The following TBC1D22A variants were observed in gnomAD, a reference collection of about 807,000 sequenced individuals.
TBC1D22A encodes the protein TBC1 domain family member 22A.
In TBC1D22A, 38 loss-of-function variants were observed where a neutral mutation model predicts 60.2. The observed-to-expected ratio is 0.63, with a 90% CI of 0.49 to 0.83. The LOEUF (loss-of-function observed/expected upper bound fraction) is 0.83. Among genes scored for constraint, TBC1D22A ranks in the 40% least tolerant of loss-of-function variants. The pLI, the probability that TBC1D22A is intolerant of heterozygous loss-of-function variation, is 0.00. For synonymous variants in TBC1D22A, 302 were observed against 281.7 expected (o/e 1.07, Z -0.72); for missense variants, 628 against 701.0 (o/e 0.90, Z 1.18).
intron 8 of TBC1D22A, among the ~76,000 whole-genome samples, chr22:46,939,339 G>A (rs905646670): frequency 6.6e-6 from 1 of 152,200 alleles, no homozygotes; most frequent in African/African-American, 2.4e-5. Flanking sequence ...AAGCATCAAC[G>A]AGTGAATAGT....
At chr22:46,920,310 C>A (rs994357128) in intron 8 of TBC1D22A, among the ~76,000 whole-genome samples, 2 of 152,120 alleles carry the variant, frequency 1.3e-5, no homozygotes, top group Admixed American at 1.3e-4. Context: ...AACTCCTGGA[C>A]TCAAGGAATT....
chr22:46,866,577 A>C (rs923397017), intron 4 of TBC1D22A, among the ~76,000 whole-genome samples: 1 of 152,232 alleles, frequency 6.6e-6, no homozygotes, highest in African/African-American at 2.4e-5. Flanking sequence ...TTAAGAATAG[A>C]TATGGCATTA....
chr22:46,972,723 C>T (rs2074119574), intron 8 of TBC1D22A, among the ~76,000 whole-genome samples: 1 of 152,134 alleles, frequency 6.6e-6, no homozygotes, highest in African/African-American at 2.4e-5. Flanking sequence ...CGCTTGTGAC[C>T]CTACTCAAGA....
At chr22:47,043,011 C>T (rs1366512528) in intron 11 of TBC1D22A, among the ~76,000 whole-genome samples, 3 of 152,214 alleles carry the variant, frequency 2.0e-5, no homozygotes, top group Non-Finnish European at 2.9e-5. Context: ...ACTCAGCCCA[C>T]GTGCAGTTAT....
At position 47,082,995 on chromosome 22, in the gene TBC1D22A, G is replaced by A. The variant is rs779374521; in HGVS notation, c.1330-28513G>A. On this transcript the variant is annotated intron_variant, in intron 11 of 12. Coordinates refer to ENST00000337137, the MANE Select transcript of TBC1D22A (RefSeq NM_014346.5). ...GGGAATGGATTAACAAATTCATACC[G>A]AGCAGTGCTCTTCAATGACAACGTG... 1.2e-4 allele frequency among the ~76,000 whole-genome samples: 18 copies of A among 152,190 alleles called. No individual in the cohort carries two copies. In the South Asian group the frequency reaches 1.4e-3, roughly 12 times the overall value.
At chr22:47,097,559 T>A (rs1462373296) in intron 11 of TBC1D22A, among the ~76,000 whole-genome samples, 1 of 151,416 alleles carries the variant, frequency 6.6e-6, no homozygotes, top group African/African-American at 2.4e-5. Flanking sequence ...TGCAGTGAGC[T>A]GAGATTGCAC....
chr22:46,841,289 A>C (rs946586043), intron 4 of TBC1D22A, among the ~76,000 whole-genome samples: 28 of 152,152 alleles, frequency 1.8e-4, no homozygotes. Flanking sequence ...CTCTTCTGCT[A>C]TTTGGCCATG....
At chr22:46,997,909 T>C (rs1404534007) in intron 10 of TBC1D22A, among the ~76,000 whole-genome samples, 200 bp downstream of exon 10, 1 of 152,186 alleles carries the variant, frequency 6.6e-6, no homozygotes, top group East Asian at 1.9e-4. Flanking sequence ...CAGAATTCAG[T>C]ACATTCACTT....
chr22:47,143,700 C>A (rs933910893), intron 12 of TBC1D22A, among the ~76,000 whole-genome samples: 1 of 152,218 alleles, frequency 6.6e-6, no homozygotes. Flanking sequence ...AGCTCTCTGA[C>A]GGGTGCCTAG....
intron 5 of TBC1D22A, among the ~76,000 whole-genome samples, chr22:46,887,861 G>A (rs11090908): frequency 0.044 from 6,700 of 152,248 alleles, 459 homozygotes; most frequent in African/African-American, 0.15. Flanking sequence ...TGATCCTAAT[G>A]TGTTAACATG....
chr22:46,879,774 C>T (rs902633975), intron 5 of TBC1D22A, among the ~76,000 whole-genome samples: 11 of 152,138 alleles, frequency 7.2e-5, no homozygotes, highest in South Asian at 2.1e-4. Context: ...ACCGAATTGC[C>T]GTTTTCTATT....
chr22:47,063,254 T>C (rs908156030), intron 11 of TBC1D22A, among the ~76,000 whole-genome samples: 1 of 152,106 alleles, frequency 6.6e-6, no homozygotes, highest in Non-Finnish European at 1.5e-5. Context: ...CGGATGGCTC[T>C]GATGCGCAGC....
rs1335415150 is a variant in TBC1D22A, at chr22:47,009,899, C to T, written c.1201+12190C>T. ...TGAGGCAGCCTCTTCTGTCCAGCCC[C>T]CAGGGAGGTTGGTTGGAGTGGAAGA... On this transcript the variant is annotated intron_variant, in intron 10 of 12. Transcript: ENST00000337137. The surrounding 1 kb of genome is among the most constrained non-coding windows in gnomAD (Gnocchi z 5.8). Among the ~76,000 whole-genome samples the T allele has an allele frequency of 6.6e-6, 1 of 152,214 alleles. No homozygotes were observed. The highest frequency in any genetic ancestry group is 1.5e-5 in the Non-Finnish European group (1 of 68,040).
At chr22:47,140,682 T>G (rs2067050307) in intron 12 of TBC1D22A, among the ~76,000 whole-genome samples, 1 of 152,226 alleles carries the variant, frequency 6.6e-6, no homozygotes, top group Admixed American at 6.5e-5. Context: ...AGGGGATGCC[T>G]GCCCCTGCCT....
chr22:47,016,198 C>G (rs1229506188), intron 10 of TBC1D22A, among the ~76,000 whole-genome samples: 1 of 152,174 alleles, frequency 6.6e-6, no homozygotes, highest in East Asian at 1.9e-4. Context: ...AGTGCACCCC[C>G]TTTGTTTCAG....
chr22:46,978,022 CAAAG>C (rs1016168103), intron 9 of TBC1D22A, among the ~76,000 whole-genome samples: 1 of 152,248 alleles, frequency 6.6e-6, no homozygotes, highest in African/African-American at 2.4e-5. Context: ...TCCTTAACAG[CAAAG>C]AGAGGTCCTC....
At chr22:46,789,853 GGGTA>G (rs1389677530) in intron 1 of TBC1D22A, among the ~76,000 whole-genome samples, 6 of 152,114 alleles carry the variant, frequency 3.9e-5, no homozygotes, top group African/African-American at 1.4e-4. Flanking sequence ...GAAAACTTAA[GGGTA>G]GGAACGAGCC....
chr22:46,825,300 C>G lies in TBC1D22A; in HGVS notation c.637+27680C>G, dbSNP rs142653585. Among the ~76,000 whole-genome samples the G allele has an allele frequency of 6.2e-4, 94 of 152,282 alleles. No individual in the cohort carries two copies. In the East Asian group the frequency reaches 0.01, roughly 17 times the overall value. ...GGGTCTGAACCCCGCCGTGCCCATG[C>G]CTGTGCTGTGTTTCCTCTCTGCAGG... is the stretch of plus-strand genomic sequence containing the variant. On this transcript the variant is annotated intron_variant, in intron 4 of 12. Transcript: ENST00000337137.
intron 8 of TBC1D22A, among the ~76,000 whole-genome samples, chr22:46,943,219 G>A (rs985970189): frequency 4.6e-5 from 7 of 152,094 alleles, no homozygotes; most frequent in African/African-American, 1.2e-4. Context: ...GCCTCCCCGC[G>A]GCATCCATCT....
Sources: allele counts gnomAD v4.1 joint callset (sites outside exome capture counted in the v4.1 genomes callset), GRCh38; gene constraint gnomAD v4.1.1; non-coding constraint Gnocchi (gnomAD v3.1); transcripts MANE v1.5; gene names NCBI Gene and HGNC (gene_info 2026-07-23, HGNC 2026-07-21).